EIF2AK3: variants seen among roughly 807,000 people sequenced by gnomAD.
The protein encoded by EIF2AK3 is eukaryotic translation initiation factor 2 alpha kinase 3.
A neutral mutation model predicts 113.5 loss-of-function variants in EIF2AK3; 50 were observed. The ratio of observed to expected loss-of-function variants is 0.44; its 90% CI spans 0.35 to 0.56. The LOEUF (loss-of-function observed/expected upper bound fraction) is 0.56. Among genes scored for constraint, EIF2AK3 ranks in the 20% least tolerant of loss-of-function variants. The pLI is 0.00. For synonymous variants in EIF2AK3, 448 were observed against 495.4 expected (o/e 0.90, Z 1.27); for missense variants, 1,185 against 1,378.0 (o/e 0.86, Z 2.22).
At chr2:88,606,466 A>G (rs1675282103) in intron 2 of EIF2AK3, among the ~76,000 whole-genome samples, 2 of 151,142 alleles carry the variant, frequency 1.3e-5, no homozygotes, top group African/African-American at 2.4e-5. Context: ...CTATAATTAA[A>G]AGAAAAGCAA....
At chr2:88,602,130 C>T (rs1361624450) in intron 2 of EIF2AK3, among the ~76,000 whole-genome samples, 1 of 152,070 alleles carries the variant, frequency 6.6e-6, no homozygotes, top group East Asian at 1.9e-4. Flanking sequence ...GGATTACAGG[C>T]GTGAGCCACT....
intron 2 of EIF2AK3, among the ~76,000 whole-genome samples, chr2:88,600,655 G>A (rs1675128777): frequency 6.6e-6 from 1 of 152,092 alleles, no homozygotes; most frequent in African/African-American, 2.4e-5. Context: ...CAAAACCTAA[G>A]TGGTACAATG....
At chr2:88,587,204 CAAAAAAAAAAAAAAA>C (rs780050125) in intron 8 of EIF2AK3, among the ~76,000 whole-genome samples, 2 of 30,276 alleles carry the variant, frequency 6.6e-5, no homozygotes, top group South Asian at 1.7e-3. Context: ...AACTCCATCT[CAAAAAAAAAAAAAAA>C]AAAAAAAAAA....
chr2:88,565,311 C>G (rs1234174960), intron 14 of EIF2AK3, among the ~76,000 whole-genome samples: 1 of 149,856 alleles, frequency 6.7e-6, no homozygotes, highest in Non-Finnish European at 1.5e-5. Flanking sequence ...GCTGGGATTA[C>G]AGGTGTCAGC....
At chr2:88,576,475 T>C (rs1308283499) in intron 12 of EIF2AK3, 79 bp downstream of exon 12, 21 of 1,562,648 alleles carry the variant, frequency 1.3e-5, no homozygotes, top group African/African-American at 2.7e-5. Context: ...AAAAAAAAAA[T>C]CCCTAAAGTT....
intron 15 of EIF2AK3, among the ~76,000 whole-genome samples, chr2:88,561,364 C>T (rs1673955416): frequency 6.6e-6 from 1 of 151,880 alleles, no homozygotes; most frequent in Non-Finnish European, 1.5e-5. Flanking sequence ...CGGGTTCACA[C>T]CATTCTCCTG....
At chr2:88,573,087 T>C (rs1674355204) in intron 13 of EIF2AK3, among the ~76,000 whole-genome samples, 1 of 149,268 alleles carries the variant, frequency 6.7e-6, no homozygotes, top group Non-Finnish European at 1.5e-5. Flanking sequence ...TACAGCTTTT[T>C]CACCCAGGAA....
intron 1 of EIF2AK3, among the ~76,000 whole-genome samples, chr2:88,617,545 G>A (rs975537468): frequency 3.3e-5 from 5 of 151,706 alleles, no homozygotes; most frequent in African/African-American, 9.7e-5. Flanking sequence ...CACGAGGTCA[G>A]GAGATCAAGA....
At chr2:88,589,368 C>G (rs1674824107) in intron 6 of EIF2AK3, among the ~76,000 whole-genome samples, 1 of 152,078 alleles carries the variant, frequency 6.6e-6, no homozygotes, top group African/African-American at 2.4e-5. Context: ...ATTGTCAGAG[C>G]TTATAGAATT....
intron 6 of EIF2AK3, 85 bp downstream of exon 6, chr2:88,590,358 G>A: frequency 5.1e-6 from 7 of 1,381,230 alleles, no homozygotes; most frequent in Non-Finnish European, 7.2e-6. Context: ...ACTACTACAG[G>A]CACTCCTGAA....
intron 14 of EIF2AK3, among the ~76,000 whole-genome samples, chr2:88,564,040 TG>T (rs1674036480): frequency 6.6e-6 from 1 of 152,166 alleles, no homozygotes; most frequent in African/African-American, 2.4e-5. Context: ...AAAAAAGAAA[TG>T]TAGCCTCATG....
At chr2:88,559,242 T>A (rs1048800544) in intron 15 of EIF2AK3, among the ~76,000 whole-genome samples, 2 of 152,174 alleles carry the variant, frequency 1.3e-5, no homozygotes, top group Non-Finnish European at 2.9e-5. Context: ...TGAAAATATT[T>A]AAAAAATTTA....
At chr2:88,618,574 G>A (rs1247003258) in intron 1 of EIF2AK3, among the ~76,000 whole-genome samples, 1 of 152,232 alleles carries the variant, frequency 6.6e-6, no homozygotes, top group Non-Finnish European at 1.5e-5. Flanking sequence ...TCCTAAGAGG[G>A]AGACTGGGAG....
In EIF2AK3 at chr2:88,575,183, G is replaced by C. The variant is rs758572014; in HGVS notation, c.2300C>G (p.Thr767Arg). The change falls in exon 13 of 17, where the codon ACA becomes AGA. Residue 767 changes from threonine (T) to arginine (R), a missense_variant. Thr to Arg is a moderately conservative substitution (Grantham distance 71). Around this residue, in one of 3 missense-constraint regions of EIF2AK3, gnomAD observed 877 missense variants for 1,024.2 expected, o/e 0.86. Coordinates refer to ENST00000303236, the MANE Select transcript of EIF2AK3 (RefSeq NM_004836.7). ...AGTCCCATCTTCCACATCACAGTCT[G>C]TAAGGCAACTGTCCTGGAGGTTGTA... ...AAYNLQDSCL[T>R]DCDVEDGTMD... 1.9e-6 allele frequency: 3 copies of C among 1,613,436 alleles called. No homozygotes were observed. The highest frequency in any genetic ancestry group is 2.5e-6 in the Non-Finnish European group (3 of 1,179,566).
chr2:88,606,704 T>TA (rs1439857190), intron 2 of EIF2AK3, among the ~76,000 whole-genome samples: 1 of 152,202 alleles, frequency 6.6e-6, no homozygotes, highest in African/African-American at 2.4e-5. Flanking sequence ...AGACTCTTTC[T>TA]AAACAAATCA....
At position 88,593,381 on chromosome 2, in the gene EIF2AK3, C is replaced by A; in HGVS notation, c.658G>T (p.Gly220Cys). The change falls in exon 4 of 17, where the codon GGT becomes TGT. Residue 220 changes from glycine to cysteine, a missense_variant. Physicochemically the swap from Gly to Cys is radical, Grantham distance 159. Coordinates refer to ENST00000303236, the MANE Select transcript of EIF2AK3 (RefSeq NM_004836.7). ...TCGTCACTATCCCATTGGCGACAAC[C>A]CAGAGCTGAACAGATATACCTCACC... is the stretch of plus-strand genomic sequence containing the variant. Reference protein sequence around the residue: ...GKVRYICSALGCRQWDSDEME... With the variant: ...GKVRYICSALCCRQWDSDEME... The A allele has an allele frequency of 6.2e-7, 1 of 1,613,848 alleles. No individual in the cohort carries two copies. Among genetic ancestry groups the A allele is most frequent in the South Asian group, 1.1e-5 (1 of 91,072 alleles).
chr2:88,569,837 T>C (rs963942898), intron 14 of EIF2AK3, among the ~76,000 whole-genome samples: 3 of 152,230 alleles, frequency 2.0e-5, no homozygotes, highest in Non-Finnish European at 4.4e-5. Context: ...TACAATTACT[T>C]GAAATGAAAT....
chr2:88,585,801 G>C lies in EIF2AK3; in HGVS notation c.1650+40C>G, dbSNP rs778205834. The C allele has an allele frequency of 1.7e-5, 27 of 1,589,696 alleles. No individual in the cohort carries two copies. In the African/African-American group the frequency reaches 3.1e-4, roughly 18 times the overall value. On this transcript the variant is annotated intron_variant, in intron 9 of 16. Coordinates refer to ENST00000303236, the MANE Select transcript of EIF2AK3 (RefSeq NM_004836.7). Reference sequence around the variant, plus strand: ...TGGGTTGAGAAGCAAATAGGAGGTGGGGAAGTGGAAACCAGACAGTAAGCA... The same window carrying C: ...TGGGTTGAGAAGCAAATAGGAGGTGCGGAAGTGGAAACCAGACAGTAAGCA...
intron 2 of EIF2AK3, 60 bp downstream of exon 2, chr2:88,613,664 T>A: frequency 6.3e-7 from 1 of 1,598,244 alleles, no homozygotes; most frequent in Non-Finnish European, 8.6e-7. Context: ...AACTTCTTAA[T>A]ATCAGCAATT....
Sources: allele counts gnomAD v4.1 joint callset (sites outside exome capture counted in the v4.1 genomes callset), GRCh38; gene constraint gnomAD v4.1.1; regional missense constraint gnomAD v4.1.1; transcripts MANE v1.5; gene names NCBI Gene and HGNC (gene_info 2026-07-23, HGNC 2026-07-21).